Variants in CPNE8 observed in about 807,000 individuals in gnomAD.
CPNE8 encodes copine 8.
CPNE8 carries 45 observed loss-of-function variants against 81.5 expected under a neutral mutation model. That is an observed-to-expected ratio of 0.55 (90% confidence interval 0.44 to 0.71). The LOEUF is 0.71. Among genes scored for constraint, CPNE8 ranks in the 30% least tolerant of loss-of-function variants. The probability of loss-of-function intolerance (pLI) is 0.00; values close to 1 mark genes in which losing one functional copy is unlikely to be tolerated. For missense variants in CPNE8, 594 were observed against 672.1 expected (o/e 0.88, Z 1.28); for synonymous variants, 252 against 226.3 (o/e 1.11, Z -1.02).
intron 14 of CPNE8, among the ~76,000 whole-genome samples, chr12:38,700,309 G>A (rs563909126): frequency 6.7e-6 from 1 of 149,320 alleles, no homozygotes; most frequent in African/African-American, 2.5e-5. Context: ...CATGATCTCG[G>A]CTCACTGCAA....
At chr12:38,745,250 C>G (rs1208288161) in intron 10 of CPNE8, among the ~76,000 whole-genome samples, 1 of 152,200 alleles carries the variant, frequency 6.6e-6, no homozygotes, top group Non-Finnish European at 1.5e-5. Flanking sequence ...TCCTACACTC[C>G]TTTCAGATAA....
At chr12:38,861,622 T>A (rs1446649529) in intron 3 of CPNE8, among the ~76,000 whole-genome samples, 1 of 152,102 alleles carries the variant, frequency 6.6e-6, no homozygotes, top group African/African-American at 2.4e-5. Flanking sequence ...AATTATATTT[T>A]CATCAAACTT....
rs1941718988 is a variant in CPNE8 at position 38,767,714 on chromosome 12, C to T, written c.496G>A (p.Ala166Thr). 4 of 1,551,766 alleles carry T rather than the reference C, an allele frequency of 2.6e-6. No individual in the cohort carries two copies. Among genetic ancestry groups the T allele is most frequent in the Non-Finnish European group, 2.6e-6 (3 of 1,154,604 alleles). ...CRDAVLMQFC[A>T]NKLDKKDFFG... ...AAGTCCTTCTTGTCCAATTTGTTCG[C>T]ACAAAATTGCATCAAAACGGCATCC... Residue 166 changes from alanine to threonine, a missense_variant, in exon 8 of 20, where the codon GCG (alanine) becomes ACG (threonine). Ala to Thr is a moderately conservative substitution (Grantham distance 58). Coordinates refer to ENST00000331366, the MANE Select transcript of CPNE8 (RefSeq NM_153634.3).
At chr12:38,686,754 G>C (rs1305588226) in intron 15 of CPNE8, among the ~76,000 whole-genome samples, 1 of 152,190 alleles carries the variant, frequency 6.6e-6, no homozygotes, top group African/African-American at 2.4e-5. Context: ...TTACATGGCT[G>C]TTGGCAGGAG....
intron 6 of CPNE8, among the ~76,000 whole-genome samples, chr12:38,815,707 T>C (rs369217690): frequency 7.9e-5 from 12 of 152,188 alleles, no homozygotes; most frequent in African/African-American, 2.7e-4. Context: ...AATCCATCTG[T>C]TACCCGGTAA....
chr12:38,881,592 C>T, intron 1 of CPNE8, among the ~76,000 whole-genome samples: 1 of 152,122 alleles, frequency 6.6e-6, no homozygotes, highest in East Asian at 1.9e-4. Context: ...ATAGTTTCAA[C>T]CTTTGCATGG....
intron 6 of CPNE8, among the ~76,000 whole-genome samples, chr12:38,827,183 A>C (rs1263395826): frequency 6.6e-6 from 1 of 151,626 alleles, no homozygotes; most frequent in East Asian, 1.9e-4. Context: ...AAAAAAAAAA[A>C]AAAGTATACC....
chr12:38,789,660 C>A (rs1378810297), intron 6 of CPNE8, among the ~76,000 whole-genome samples: 1 of 151,520 alleles, frequency 6.6e-6, no homozygotes, highest in African/African-American at 2.4e-5. Context: ...GAAGAGACAA[C>A]CCACAGAATA....
chr12:38,794,018 A>T (rs935238643), intron 6 of CPNE8, among the ~76,000 whole-genome samples: 3 of 152,126 alleles, frequency 2.0e-5, no homozygotes, highest in Non-Finnish European at 4.4e-5. Context: ...CCACATGCAA[A>T]TGAATGTTTT....
At chr12:38,855,856 C>T (rs1943723483) in intron 3 of CPNE8, among the ~76,000 whole-genome samples, 1 of 151,680 alleles carries the variant, frequency 6.6e-6, no homozygotes, top group African/African-American at 2.4e-5. Flanking sequence ...CAATTATTGT[C>T]AATTAAAAGT....
chr12:38,865,977 A>C (rs750898549), intron 3 of CPNE8, among the ~76,000 whole-genome samples: 67 of 152,330 alleles, frequency 4.4e-4, no homozygotes, highest in Non-Finnish European at 7.1e-4. Flanking sequence ...ATGTTTGTAA[A>C]TACTATTTTA....
intron 6 of CPNE8, among the ~76,000 whole-genome samples, chr12:38,811,028 G>A (rs1171802836): frequency 1.3e-5 from 2 of 151,968 alleles, no homozygotes; most frequent in African/African-American, 2.4e-5. Flanking sequence ...TGAGCTCAAC[G>A]TATTAGTAAC....
In CPNE8 at chr12:38,873,356, T is replaced by G. The variant is rs542945210; in HGVS notation, c.140-306A>C. Among the ~76,000 whole-genome samples, 13 of 152,310 alleles carry G rather than the reference T, an allele frequency of 8.5e-5. No homozygotes were observed. In the East Asian group the frequency reaches 2.1e-3, roughly 25 times the overall value. On this transcript the variant is annotated intron_variant, in intron 2 of 19. Transcript: ENST00000331366. ...TTTTAAAACCATAATTTAAACAATT[T>G]GAAATATTTCATTATGTTGTGAAAA... is the stretch of plus-strand genomic sequence containing the variant.
intron 3 of CPNE8, 148 bp downstream of exon 3, chr12:38,872,856 C>T (rs1308161236): frequency 1.7e-6 from 1 of 600,722 alleles, no homozygotes; most frequent in Admixed American, 3.7e-5. Flanking sequence ...AAAAACAAAA[C>T]ACAAAGGTAA....
At chr12:38,848,221 A>T (rs896156663) in intron 4 of CPNE8, among the ~76,000 whole-genome samples, 3 of 152,202 alleles carry the variant, frequency 2.0e-5, no homozygotes, top group Non-Finnish European at 4.4e-5. Flanking sequence ...CTGCTGAGCC[A>T]AACTTAAGAT....
intron 3 of CPNE8, among the ~76,000 whole-genome samples, chr12:38,867,856 C>A (rs1943938330): frequency 6.6e-6 from 1 of 152,088 alleles, no homozygotes; most frequent in African/African-American, 2.4e-5. Flanking sequence ...TCCGTTACTT[C>A]AAGAGTTTTT....
intron 16 of CPNE8, chr12:38,679,691 C>T (rs1317427942): frequency 2.0e-6 from 2 of 984,880 alleles, no homozygotes; most frequent in African/African-American, 1.7e-5. Context: ...CACGTTGGCA[C>T]ATTGTTGCAC....
At chr12:38,757,998 C>T (rs1223552732) in intron 10 of CPNE8, among the ~76,000 whole-genome samples, 1 of 152,058 alleles carries the variant, frequency 6.6e-6, no homozygotes, top group Non-Finnish European at 1.5e-5. Context: ...TCCCCCCAAG[C>T]AGTTGATGAC....
chr12:38,858,972 G>A (rs565840878), intron 3 of CPNE8, among the ~76,000 whole-genome samples: 1 of 152,052 alleles, frequency 6.6e-6, no homozygotes, highest in Non-Finnish European at 1.5e-5. Flanking sequence ...AACCATATAC[G>A]TAAAGCCTAC....
Sources: gnomAD v4.1 joint callset for allele counts (sites outside exome capture counted in the v4.1 genomes callset) on GRCh38, gnomAD v4.1.1 for gene constraint, MANE v1.5 for transcripts, NCBI Gene and HGNC (gene_info 2026-07-23, HGNC 2026-07-21) for gene names.